Variants in ARMC2 observed in about 807,000 individuals in gnomAD.
The protein encoded by ARMC2 is armadillo repeat-containing protein 2.
ARMC2 carries 67 observed loss-of-function variants against 90.3 expected under a neutral mutation model. That is an observed-to-expected ratio of 0.74 (90% CI 0.61 to 0.91). The LOEUF is 0.91. ARMC2 is among the 40% of genes least tolerant of loss of function. The pLI is 0.00. For missense variants in ARMC2, 920 were observed against 1,030.9 expected (o/e 0.89, Z 1.47); for synonymous variants, 393 against 393.0 (o/e 1.00, Z 0.00).
At chr6:108,943,323 A>G (rs1056341238) in intron 12 of ARMC2, among the ~76,000 whole-genome samples, 1 of 152,156 alleles carries the variant, frequency 6.6e-6, no homozygotes, top group African/African-American at 2.4e-5. Context: ...GTGTGGTTTC[A>G]CTTTTCTATA....
chr6:108,856,533 CA>C, intron 2 of ARMC2: 1 of 223,226 alleles, frequency 4.5e-6, no homozygotes, highest in South Asian at 7.2e-5. Flanking sequence ...GTGTTCAGCT[CA>C]AAGGGCCTCC....
intron 12 of ARMC2, among the ~76,000 whole-genome samples, chr6:108,946,156 C>T (rs533819333): frequency 7.2e-5 from 11 of 152,354 alleles, no homozygotes; most frequent in East Asian, 1.9e-4. Context: ...GCTCTTACCC[C>T]GCTCAGCACG....
the ARMC2 span, among the ~76,000 whole-genome samples, chr6:108,983,116 C>G: frequency 6.6e-6 from 1 of 151,988 alleles, no homozygotes; most frequent in Admixed American, 6.6e-5. Context: ...CACTCCCAGC[C>G]CCATTTTTTA....
At chr6:109,038,322 G>A in the ARMC2 span, among the ~76,000 whole-genome samples, 9 of 152,118 alleles carry the variant, frequency 5.9e-5, no homozygotes, top group Non-Finnish European at 8.8e-5. Context: ...GTGAAACCTC[G>A]TCTCTACTAA....
intron 5 of ARMC2, among the ~76,000 whole-genome samples, chr6:108,880,507 C>G (rs1777417224): frequency 6.6e-6 from 1 of 152,082 alleles, no homozygotes; most frequent in African/African-American, 2.4e-5. Flanking sequence ...CTTTTCACAG[C>G]CTTATGGAGA....
intron 17 of ARMC2, among the ~76,000 whole-genome samples, chr6:108,973,054 C>G (rs1047253288): frequency 3.9e-5 from 6 of 152,102 alleles, no homozygotes; most frequent in Non-Finnish European, 7.4e-5. Context: ...CGAGGTAGCG[C>G]ACACCTGCAA....
At chr6:108,889,033 G>A (rs375989956) in intron 5 of ARMC2, among the ~76,000 whole-genome samples, 1 of 152,082 alleles carries the variant, frequency 6.6e-6, no homozygotes, top group South Asian at 2.1e-4. Context: ...TACTTGCCCT[G>A]GGCACTTATC....
chr6:108,853,577 A>G (rs1302791606), intron 1 of ARMC2, among the ~76,000 whole-genome samples: 2 of 152,190 alleles, frequency 1.3e-5, no homozygotes. Flanking sequence ...TCCATGGAAC[A>G]CACCAACATT....
chr6:108,901,452 G>A (rs1283437786), intron 7 of ARMC2, among the ~76,000 whole-genome samples: 2 of 147,952 alleles, frequency 1.4e-5, no homozygotes, highest in Non-Finnish European at 3.0e-5. Flanking sequence ...GTCTTGCTCT[G>A]TTGCCCAGGC....
rs75294703 is a variant in ARMC2 at position 108,865,674 on chromosome 6, G to A, written c.292-3150G>A. ...TGCTCTTGCCCTGCAGAGAAAATTC[G>A]GTGACTCTCTTTTGGGGAAATTTGC... is the stretch of plus-strand genomic sequence containing the variant. On this transcript the variant is annotated intron_variant, in intron 3 of 17. Transcript: ENST00000392644. Among the ~76,000 whole-genome samples the A allele has an allele frequency of 8.0e-3, 1,224 of 152,116 alleles. 9 individuals carry two copies. Among genetic ancestry groups the A allele is most frequent in the Non-Finnish European group, 9.7e-3 (660 of 68,004 alleles).
chr6:108,910,856 C>A, intron 8 of ARMC2, 43 bp from the exon 9 acceptor site: 1 of 977,076 alleles, frequency 1.0e-6, no homozygotes. Flanking sequence ...TACAGCATGT[C>A]TTTATTTCCT....
chr6:108,848,988 A>G (rs182999713), intron 1 of ARMC2, among the ~76,000 whole-genome samples: 71 of 152,290 alleles, frequency 4.7e-4, no homozygotes, highest in African/African-American at 1.6e-3. Flanking sequence ...GTGGTGCTTA[A>G]TAAGAAGCCC....
Position 108,890,189 on chromosome 6 carries a change from C to CAAAAAAAAAAAAA in ARMC2, c.672-4250_672-4238dup, listed in dbSNP as rs869186045. Among the ~76,000 whole-genome samples the CAAAAAAAAAAAAA allele has an allele frequency of 3.7e-4, 24 of 64,244 alleles. 1 individual carries two copies. Among genetic ancestry groups the CAAAAAAAAAAAAA allele is most frequent in the Non-Finnish European group, 5.1e-4 (20 of 39,000 alleles). The allele number at this position is 64,244 out of a possible 152,430, so 42.1% of individuals were successfully genotyped here. The stretch of plus-strand genomic sequence containing the variant: ...TGGGTGACAGAGCGAGACTCCGTCT[C>CAAAAAAAAAAAAA]AAAAAAAAAAAAAAAAAAAAAAAAA... On this transcript the variant is annotated intron_variant, in intron 5 of 17. Transcript: ENST00000392644.
intron 17 of ARMC2, among the ~76,000 whole-genome samples, chr6:108,969,791 C>G (rs1778632682): frequency 6.6e-6 from 1 of 152,112 alleles, no homozygotes; most frequent in Non-Finnish European, 1.5e-5. Flanking sequence ...CCTGTAATCC[C>G]AGCACTTTGG....
At chr6:108,854,029 T>C (rs1370528404) in intron 1 of ARMC2, among the ~76,000 whole-genome samples, 196 bp from the exon 2 acceptor site, 1 of 152,110 alleles carries the variant, frequency 6.6e-6, no homozygotes, top group African/African-American at 2.4e-5. Flanking sequence ...ATCTTTGTCC[T>C]CAGTTGTATA....
the ARMC2 span, chr6:109,009,098 TC>T: frequency 5.2e-5 from 41 of 788,678 alleles, no homozygotes; most frequent in African/African-American, 6.9e-4. Flanking sequence ...CCGCAGTCTC[TC>T]CCAGCTTAGC....
At chr6:109,015,352 A>T in the ARMC2 span, among the ~76,000 whole-genome samples, 19 of 152,180 alleles carry the variant, frequency 1.2e-4, no homozygotes, top group Non-Finnish European at 2.6e-4. Context: ...GCAGCTATAC[A>T]GGGTCTGACA....
At position 108,905,053 on chromosome 6, in the gene ARMC2, C is replaced by G. The variant is rs142521077; in HGVS notation, c.1023+648C>G. Among the ~76,000 whole-genome samples, 4 of 152,234 alleles carry G rather than the reference C, an allele frequency of 2.6e-5. No homozygotes were observed. The East Asian group carries it at 7.7e-4, about 29-fold the overall frequency. ...AGCACTTTGTTGTCACAGCCATAAACAGTTGGAACCAAAAGATAAGCCACA... is the reference window on the plus strand; with the variant it reads ...AGCACTTTGTTGTCACAGCCATAAAGAGTTGGAACCAAAAGATAAGCCACA... On this transcript the variant is annotated intron_variant, in intron 8 of 17. Transcript: ENST00000392644.
At chr6:109,015,298 T>C in the ARMC2 span, among the ~76,000 whole-genome samples, 1 of 152,166 alleles carries the variant, frequency 6.6e-6, no homozygotes, top group Admixed American at 6.5e-5. Flanking sequence ...CCTTTGATTT[T>C]TTCTTTGATA....
Sources: allele counts gnomAD v4.1 joint callset (sites outside exome capture counted in the v4.1 genomes callset), GRCh38; gene constraint gnomAD v4.1.1; transcripts MANE v1.5; gene names NCBI Gene and HGNC (gene_info 2026-07-23, HGNC 2026-07-21).